Variants in DNAJC1 observed in about 807,000 individuals in gnomAD.
The protein encoded by DNAJC1 is DnaJ heat shock protein family (Hsp40) member C1, also known as dnaJ homolog subfamily C member 1.
DNAJC1 carries 58 observed loss-of-function variants against 76.6 expected under a neutral mutation model. That is an observed-to-expected ratio of 0.76 (90% confidence interval 0.61 to 0.94). The LOEUF (loss-of-function observed/expected upper bound fraction) is 0.94. DNAJC1 is among the 40% of genes least tolerant of loss of function. DNAJC1 has a pLI of 0.00. For missense variants in DNAJC1, 689 were observed against 677.3 expected (o/e 1.02, Z -0.19); for synonymous variants, 258 against 267.9 (o/e 0.96, Z 0.36).
chr10:21,975,102 G>A (rs192808237), intron 1 of DNAJC1, among the ~76,000 whole-genome samples: 62 of 152,162 alleles, frequency 4.1e-4, no homozygotes, highest in African/African-American at 1.4e-3. Context: ...GCTGGTTAAA[G>A]AGGACTTCAG....
intron 1 of DNAJC1, among the ~76,000 whole-genome samples, chr10:21,952,308 T>C (rs1837611710): frequency 6.6e-6 from 1 of 152,222 alleles, no homozygotes; most frequent in African/African-American, 2.4e-5. Flanking sequence ...AAACCAAAGA[T>C]TACAAGGCTT....
At chr10:21,810,491 A>AC (rs1156723417) in intron 8 of DNAJC1, among the ~76,000 whole-genome samples, 1 of 152,166 alleles carries the variant, frequency 6.6e-6, no homozygotes, top group African/African-American at 2.4e-5. Flanking sequence ...TGGTCATCAC[A>AC]CCCATTGTTC....
chr10:21,779,062 T>C (rs1834492695), intron 9 of DNAJC1, among the ~76,000 whole-genome samples: 1 of 152,192 alleles, frequency 6.6e-6, no homozygotes, highest in Non-Finnish European at 1.5e-5. Context: ...GCGCCTGCCA[T>C]TGCTGAGGCT....
chr10:21,916,244 A>G (rs1228337447), intron 6 of DNAJC1, among the ~76,000 whole-genome samples: 1 of 152,208 alleles, frequency 6.6e-6, no homozygotes, highest in Non-Finnish European at 1.5e-5. Flanking sequence ...CTATAATCTT[A>G]GCACTTTGGC....
chr10:21,923,940 A>G (rs1837078296), intron 3 of DNAJC1, among the ~76,000 whole-genome samples: 1 of 152,068 alleles, frequency 6.6e-6, no homozygotes, highest in African/African-American at 2.4e-5. Context: ...AAAAATCTGT[A>G]TATTATGAAA....
At chr10:21,868,658 A>T (rs1232780016) in intron 8 of DNAJC1, among the ~76,000 whole-genome samples, 3 of 152,062 alleles carry the variant, frequency 2.0e-5, no homozygotes, top group African/African-American at 7.3e-5. Context: ...ACAAAACTGT[A>T]GAGAATTGGT....
Position 21,824,995 on chromosome 10 carries a change from C to T in DNAJC1, c.979-18896G>A, listed in dbSNP as rs374553572. ...TTCATCACCTTGGTCAGATTGGTCT[C>T]GAATTCCTGACCTCAGGTGGATCCA... On this transcript the variant is annotated intron_variant, in intron 8 of 11. Transcript: ENST00000376980. 4.6e-5 allele frequency among the ~76,000 whole-genome samples: 7 copies of T among 152,148 alleles called. No homozygotes were observed. The South Asian group carries it at 1.0e-3, about 23-fold the overall frequency.
chr10:21,919,451 T>C (rs1454129720), intron 5 of DNAJC1, among the ~76,000 whole-genome samples: 1 of 151,978 alleles, frequency 6.6e-6, no homozygotes, highest in African/African-American at 2.4e-5. Context: ...TTCCTTTCTA[T>C]GAATCAATAG....
At chr10:21,829,940 T>C (rs543014235) in intron 8 of DNAJC1, among the ~76,000 whole-genome samples, 9 of 152,354 alleles carry the variant, frequency 5.9e-5, no homozygotes, top group Admixed American at 3.3e-4. Flanking sequence ...TTCTACATTC[T>C]AGCTACAGTA....
intron 1 of DNAJC1, among the ~76,000 whole-genome samples, chr10:21,957,929 T>A (rs756818452): frequency 6.6e-6 from 1 of 152,180 alleles, no homozygotes; most frequent in African/African-American, 2.4e-5. Context: ...GCAAAATACC[T>A]TTCTTATATT....
chr10:21,967,522 T>C (rs564567797), intron 1 of DNAJC1, among the ~76,000 whole-genome samples: 5 of 152,244 alleles, frequency 3.3e-5, no homozygotes, highest in South Asian at 4.1e-4. Flanking sequence ...TGAGTTTTTA[T>C]TTCAATTCCC....
intron 8 of DNAJC1, among the ~76,000 whole-genome samples, chr10:21,878,378 T>C (rs1206685842): frequency 6.6e-6 from 1 of 152,172 alleles, no homozygotes; most frequent in African/African-American, 2.4e-5. Context: ...ATTATTATAG[T>C]AGTATAGTAG....
At chr10:21,841,576 T>C (rs906337405) in intron 8 of DNAJC1, among the ~76,000 whole-genome samples, 3 of 152,150 alleles carry the variant, frequency 2.0e-5, no homozygotes, top group African/African-American at 7.2e-5. Flanking sequence ...CCAGTTAGAA[T>C]GGCGATCATT....
At chr10:21,912,088 T>C (rs1427447849) in intron 6 of DNAJC1, among the ~76,000 whole-genome samples, 1 of 152,198 alleles carries the variant, frequency 6.6e-6, no homozygotes, top group East Asian at 1.9e-4. Flanking sequence ...CTGAACATTC[T>C]GACAGGGAGT....
chr10:21,957,762 C>T (rs1393473760), intron 1 of DNAJC1, among the ~76,000 whole-genome samples: 5 of 152,168 alleles, frequency 3.3e-5, no homozygotes, highest in Non-Finnish European at 5.9e-5. Context: ...AAGCCTCATT[C>T]TCTCAACAGA....
At chr10:21,965,038 T>A (rs988950866) in intron 1 of DNAJC1, among the ~76,000 whole-genome samples, 2 of 152,162 alleles carry the variant, frequency 1.3e-5, no homozygotes, top group African/African-American at 4.8e-5. Flanking sequence ...CTCAAAAATA[T>A]CTCAGTCACT....
At chr10:21,934,212 A>T (rs1012399240) in intron 1 of DNAJC1, among the ~76,000 whole-genome samples, 1 of 151,478 alleles carries the variant, frequency 6.6e-6, no homozygotes, top group Non-Finnish European at 1.5e-5. Context: ...AACAAAGTTT[A>T]AAAAGTAAAA....
chr10:21,968,319 CT>C (rs1837922874), intron 1 of DNAJC1, among the ~76,000 whole-genome samples: 1 of 151,982 alleles, frequency 6.6e-6, no homozygotes, highest in African/African-American at 2.4e-5. Flanking sequence ...TCATTGAAAC[CT>C]CACAATCACC....
chr10:21,779,350 G>C (rs1037755896), intron 9 of DNAJC1, among the ~76,000 whole-genome samples: 1 of 152,190 alleles, frequency 6.6e-6, no homozygotes, highest in African/African-American at 2.4e-5. Flanking sequence ...CCTCCCAGTA[G>C]GGGCCAACTG....
Sources: allele counts gnomAD v4.1 joint callset (sites outside exome capture counted in the v4.1 genomes callset), GRCh38; gene constraint gnomAD v4.1.1; transcripts MANE v1.5; gene names NCBI Gene and HGNC (gene_info 2026-07-23, HGNC 2026-07-21).